SCYL3: variants seen among roughly 807,000 people sequenced by gnomAD.
SCYL3 encodes the protein SCY1 like pseudokinase 3, also known as protein-associating with the carboxyl-terminal domain of ezrin.
In SCYL3, 35 loss-of-function variants were observed where a neutral mutation model predicts 73.8. That is an observed-to-expected ratio of 0.47 (90% CI 0.36 to 0.63). SCYL3 has a LOEUF of 0.63. SCYL3 is among the 20% of genes least tolerant of loss of function. SCYL3 has a pLI of 0.00. For missense variants in SCYL3, 712 were observed against 798.9 expected (o/e 0.89, Z 1.31); for synonymous variants, 277 against 295.2 (o/e 0.94, Z 0.63).
At chr1:169,877,541 T>C (rs1660937484) in intron 3 of SCYL3, among the ~76,000 whole-genome samples, 2 of 152,226 alleles carry the variant, frequency 1.3e-5, no homozygotes, top group South Asian at 4.1e-4. Flanking sequence ...AAATATTTTT[T>C]AAAGGAAGGT....
intron 10 of SCYL3, among the ~76,000 whole-genome samples, chr1:169,860,460 CTT>C (rs1285756102): frequency 5.9e-5 from 9 of 152,244 alleles, no homozygotes; most frequent in Non-Finnish European, 1.5e-5. Context: ...TATCAGGAAT[CTT>C]TGGTTTTGGT....
At chr1:169,888,111 T>G (rs1178237556) in intron 2 of SCYL3, among the ~76,000 whole-genome samples, 1 of 152,226 alleles carries the variant, frequency 6.6e-6, no homozygotes, top group South Asian at 2.1e-4. Context: ...AACTAATGCC[T>G]TCATTTTCCC....
intron 4 of SCYL3, among the ~76,000 whole-genome samples, chr1:169,875,756 G>C (rs950268821): frequency 2.0e-5 from 3 of 152,148 alleles, no homozygotes; most frequent in Non-Finnish European, 4.4e-5. Flanking sequence ...ACCTCTCTCC[G>C]TCTCAGGTTT....
At position 169,866,883 on chromosome 1, in the gene SCYL3, T is replaced by C. The variant is rs768610881; in HGVS notation, c.815+13A>G. 50 of 1,414,696 alleles carry C rather than the reference T, an allele frequency of 3.5e-5. No individual in the cohort carries two copies. The Admixed American group carries it at 7.0e-4, about 20-fold the overall frequency. The allele number at this position is 1,414,696 out of a possible 1,614,324, so 87.6% of individuals were successfully genotyped here. On this transcript the variant is annotated intron_variant, in intron 8 of 12. Coordinates refer to ENST00000367771, the MANE Select transcript of SCYL3 (RefSeq NM_020423.7). ...AAGTTATTCAATTTAAATTCTTAATTTTCTGAACTTACTTAAAGAATTCCG... is the reference window on the plus strand; with the variant it reads ...AAGTTATTCAATTTAAATTCTTAATCTTCTGAACTTACTTAAAGAATTCCG...
At chr1:169,866,774 G>A in intron 8 of SCYL3, 122 bp downstream of exon 8, 2 of 654,748 alleles carry the variant, frequency 3.1e-6, no homozygotes, top group South Asian at 3.5e-5. Context: ...CTGACACATA[G>A]GAAATGTTCA....
rs547036166 is a variant in SCYL3, at chr1:169,852,214, C to T, written c.*1499G>A. On this transcript the variant is annotated 3_prime_UTR_variant, in exon 13 of 13. Transcript: ENST00000367771. ...AGTGATGCTATAAATGCAGTCTTTACTGAACCACAGAAGAAAATGAAAGAA... is the reference window on the plus strand; with the variant it reads ...AGTGATGCTATAAATGCAGTCTTTATTGAACCACAGAAGAAAATGAAAGAA... 7 of 427,544 alleles carry T rather than the reference C, an allele frequency of 1.6e-5. No individual in the cohort carries two copies. In the South Asian group the frequency reaches 2.0e-4, roughly 12 times the overall value. The allele number at this position is 427,544 out of a possible 1,614,324, so 26.5% of individuals were successfully genotyped here.
chr1:169,888,611 ATTTT>A, intron 2 of SCYL3, 61 bp downstream of exon 2: 1 of 1,343,924 alleles, frequency 7.4e-7, no homozygotes, highest in African/African-American at 1.5e-5. Context: ...CTAATTTCAT[ATTTT>A]TTTAAAAGAA....
chr1:169,852,775 A>ATGTTT lies in SCYL3; in HGVS notation c.*933_*937dup. 6.2e-7 allele frequency: 1 copy of ATGTTT among 1,612,198 alleles called. No homozygotes were observed. The highest frequency in any genetic ancestry group is 8.5e-7 in the Non-Finnish European group (1 of 1,178,868). ...TAGAATGGATATTGTGATATTACTT[A>ATGTTT]TGTTTTTTTTCCAGCCTTATGCAAA... On this transcript the variant is annotated 3_prime_UTR_variant, in exon 13 of 13. Transcript: ENST00000367771.
At position 169,852,773 on chromosome 1, in the gene SCYL3, T is replaced by TTATG. The variant is rs1241423957; in HGVS notation, c.*936_*939dup. ...TTTAGAATGGATATTGTGATATTAC[T>TTATG]TATGTTTTTTTTCCAGCCTTATGCA... is the stretch of plus-strand genomic sequence containing the variant. On this transcript the variant is annotated 3_prime_UTR_variant, in exon 13 of 13. Transcript: ENST00000367771. 33 of 1,612,312 alleles carry TTATG rather than the reference T, an allele frequency of 2.0e-5. No individual in the cohort carries two copies. The highest frequency in any genetic ancestry group is 2.7e-5 in the African/African-American group (2 of 74,772).
chr1:169,858,769 G>A (rs778162372), intron 11 of SCYL3, among the ~76,000 whole-genome samples: 11 of 151,306 alleles, frequency 7.3e-5, no homozygotes, highest in Non-Finnish European at 1.2e-4. Flanking sequence ...AGTCATTTAC[G>A]AGGTCCTTCG....
chr1:169,862,736 G>A lies in SCYL3; in HGVS notation c.1017C>T (p.Ile339=), dbSNP rs746338244. The A allele has an allele frequency of 1.9e-6, 3 of 1,614,164 alleles. No individual in the cohort carries two copies. The highest frequency in any genetic ancestry group is 2.5e-6 in the Non-Finnish European group (3 of 1,180,008). ...LSPALFQSRV[I]PVLLQLFEVH... is the part of the protein sequence containing the mutation. Reference sequence around the variant, plus strand: ...CTTCAAACAACTGGAGAAGCACGGGGATCACCCGTGACTGGAACAGGGCTG... The same window carrying A: ...CTTCAAACAACTGGAGAAGCACGGGAATCACCCGTGACTGGAACAGGGCTG... Residue 339 remains isoleucine, a synonymous_variant, in exon 10 of 13, where the codon ATC becomes ATT. Coordinates refer to ENST00000367771, the MANE Select transcript of SCYL3 (RefSeq NM_020423.7).
In SCYL3 at chr1:169,873,676, T is replaced by C. The variant is rs1459016666; in HGVS notation, c.522+20A>G. The C allele has an allele frequency of 5.2e-6, 8 of 1,543,366 alleles. No homozygotes were observed. Among genetic ancestry groups the C allele is most frequent in the East Asian group, 2.3e-5 (1 of 44,260 alleles). ...ATTACACAAAGGCACCTTCATTATA[T>C]GTGAAGTATATCATCTTACCATCTC... On this transcript the variant is annotated intron_variant, in intron 5 of 12. Coordinates refer to ENST00000367771, the MANE Select transcript of SCYL3 (RefSeq NM_020423.7).
chr1:169,852,644 C>G lies in SCYL3; in HGVS notation c.*1069G>C, dbSNP rs1303211017. 1.3e-6 allele frequency: 1 copy of G among 740,872 alleles called. No individual in the cohort carries two copies. Among genetic ancestry groups the G allele is most frequent in the Non-Finnish European group, 2.2e-6 (1 of 456,918 alleles). The allele number at this position is 740,872 out of a possible 1,614,324, so 45.9% of individuals were successfully genotyped here. On this transcript the variant is annotated 3_prime_UTR_variant, in exon 13 of 13. Transcript: ENST00000367771. ...TGCCTTTACATATTTTTCTAGATGA[C>G]TGTGTAGGGGTTTTGGGGTGCATCC... is the stretch of plus-strand genomic sequence containing the variant.
At chr1:169,857,788 T>G (rs1408220292) in intron 11 of SCYL3, among the ~76,000 whole-genome samples, 2 of 152,216 alleles carry the variant, frequency 1.3e-5, no homozygotes, top group African/African-American at 4.8e-5. Context: ...AAATGCATCT[T>G]AGACGATTTT....
At chr1:169,889,447 A>C (rs1323543685) in intron 1 of SCYL3, among the ~76,000 whole-genome samples, 1 of 152,176 alleles carries the variant, frequency 6.6e-6, no homozygotes, top group Admixed American at 6.5e-5. Flanking sequence ...ACACCAGTAC[A>C]ATAATGGGAA....
At chr1:169,858,832 A>G (rs185303354) in intron 11 of SCYL3, among the ~76,000 whole-genome samples, 12 of 152,256 alleles carry the variant, frequency 7.9e-5, no homozygotes, top group Admixed American at 4.6e-4. Flanking sequence ...GTGTAAACAT[A>G]TATCTGTGTG....
intron 2 of SCYL3, among the ~76,000 whole-genome samples, chr1:169,886,838 T>C (rs368827537): frequency 2.0e-5 from 3 of 152,228 alleles, no homozygotes; most frequent in Admixed American, 1.3e-4. Context: ...TCTTGGTGTA[T>C]ACTAGGATTG....
intron 12 of SCYL3, 193 bp from the exon 13 acceptor site, chr1:169,853,965 A>T: frequency 1.5e-6 from 1 of 652,304 alleles, no homozygotes; most frequent in Non-Finnish European, 2.6e-6. Flanking sequence ...ACTGGAAAAT[A>T]GCTTTTCAAA....
chr1:169,888,707 T>C lies in SCYL3; in HGVS notation c.134A>G (p.Glu45Gly). The C allele has an allele frequency of 6.2e-7, 1 of 1,614,034 alleles. No individual in the cohort carries two copies. The highest frequency in any genetic ancestry group is 8.5e-7 in the Non-Finnish European group (1 of 1,179,916). Reference sequence around the variant, plus strand: ...AGCTTTATTAACCTTGTCTTCATTTTCTCTCTTATACACAAAAACTGAAGC... The same window carrying C: ...AGCTTTATTAACCTTGTCTTCATTTCCTCTCTTATACACAAAAACTGAAGC... The part of the protein sequence containing the change: ...KFASVFVYKR[E>G]NEDKVNKAAK... The change falls in exon 2 of 13, where the codon GAA becomes GGA. Residue 45 changes from glutamate to glycine, a missense_variant. Glu to Gly is a moderately conservative substitution (Grantham distance 98, BLOSUM62 -2). Transcript: ENST00000367771.
Sources: allele counts gnomAD v4.1 joint callset (sites outside exome capture counted in the v4.1 genomes callset), GRCh38; gene constraint gnomAD v4.1.1; transcripts MANE v1.5; gene names NCBI Gene and HGNC (gene_info 2026-07-23, HGNC 2026-07-21).